The following FARP2 variants were observed in gnomAD, a reference collection of about 807,000 sequenced individuals.
The protein encoded by FARP2 is FERM, ARHGEF and pleckstrin domain-containing protein 2.
A neutral mutation model predicts 130.5 loss-of-function variants in FARP2; 111 were observed. The ratio of observed to expected loss-of-function variants is 0.85; its 90% CI spans 0.73 to 1.00. The LOEUF (loss-of-function observed/expected upper bound fraction) is 1.00, where lower values mean the gene tolerates loss of function less well. Ranked by LOEUF, FARP2 falls within the 50% of genes least tolerant of loss-of-function variation. The pLI, the probability that FARP2 is intolerant of heterozygous loss-of-function variation, is 0.00. For synonymous variants in FARP2, 504 were observed against 516.9 expected (o/e 0.98, Z 0.34); for missense variants, 1,385 against 1,346.3 (o/e 1.03, Z -0.45).
Position 241,484,286 on chromosome 2 carries a change from C to A in FARP2, c.2376C>A (p.Thr792=). The stretch of plus-strand genomic sequence containing the variant: ...ACACAAGCAAAGGAGTTGCAGGGAC[C>A]AGCCACTTCCGGATCCGGGGCCTCC... ...LLYTSKGVAG[T]SHFRIRGLLP... is the part of the protein sequence containing the mutation. The change falls in exon 21 of 27, where the codon ACC becomes ACA. Residue 792 remains threonine (T), a synonymous_variant. Transcript: ENST00000264042. 6.2e-7 allele frequency: 1 copy of A among 1,614,164 alleles called. No individual in the cohort carries two copies. Among genetic ancestry groups the A allele is most frequent in the South Asian group, 1.1e-5 (1 of 91,080 alleles).
At chr2:241,375,817 T>C (rs2061522866) in intron 2 of FARP2, among the ~76,000 whole-genome samples, 1 of 152,006 alleles carries the variant, frequency 6.6e-6, no homozygotes, top group Non-Finnish European at 1.5e-5. Flanking sequence ...AGCCTCTAAC[T>C]CTTGGACTCA....
chr2:241,366,672 G>A (rs546044850), intron 1 of FARP2, among the ~76,000 whole-genome samples: 1 of 151,942 alleles, frequency 6.6e-6, no homozygotes, highest in Non-Finnish European at 1.5e-5. Flanking sequence ...TTTAATTTTT[G>A]GCTACCAAAC....
chr2:241,415,487 T>TC (rs1305150434), intron 7 of FARP2, among the ~76,000 whole-genome samples: 1 of 152,122 alleles, frequency 6.6e-6, no homozygotes, highest in African/African-American at 2.4e-5. Flanking sequence ...CTGCGAACTG[T>TC]CCAACCTGAA....
intron 8 of FARP2, among the ~76,000 whole-genome samples, chr2:241,422,769 A>G (rs911432409): frequency 3.9e-5 from 6 of 152,226 alleles, no homozygotes; most frequent in African/African-American, 1.4e-4. Flanking sequence ...TGAGAGAAAC[A>G]TAACCTACCT....
Position 241,441,761 on chromosome 2 carries a change from C to A in FARP2, c.1411+205C>A, listed in dbSNP as rs777730682. Reference sequence around the variant, plus strand: ...TGTGACCGGCAGTGTCGTGGGGGGGCCCCTGCTTTCACATTGACAAATGCC... The same window carrying A: ...TGTGACCGGCAGTGTCGTGGGGGGGACCCTGCTTTCACATTGACAAATGCC... On this transcript the variant is annotated intron_variant, in intron 13 of 26. Coordinates refer to ENST00000264042, the MANE Select transcript of FARP2 (RefSeq NM_014808.4). 3 of 716,292 alleles carry A rather than the reference C, an allele frequency of 4.2e-6. No homozygotes were observed. The East Asian group carries it at 8.2e-5, about 20-fold the overall frequency. The allele number at this position is 716,292 out of a possible 1,614,324, so 44.4% of individuals were successfully genotyped here.
At chr2:241,373,404 T>A in intron 2 of FARP2, 114 bp downstream of exon 2, 1 of 601,884 alleles carries the variant, frequency 1.7e-6, no homozygotes, top group Non-Finnish European at 2.5e-6. Flanking sequence ...CAAGAGTAGC[T>A]TTGGTAACAC....
intron 1 of FARP2, among the ~76,000 whole-genome samples, chr2:241,357,753 C>T (rs1190478453): frequency 1.3e-5 from 2 of 152,196 alleles, no homozygotes; most frequent in African/African-American, 2.4e-5. Flanking sequence ...TCCTGGACTG[C>T]AGACGTTTGC....
intron 1 of FARP2, among the ~76,000 whole-genome samples, chr2:241,366,675 T>C (rs1241885557): frequency 2.0e-5 from 3 of 152,138 alleles, no homozygotes; most frequent in Non-Finnish European, 2.9e-5. Context: ...AATTTTTGGC[T>C]ACCAAACACT....
chr2:241,406,799 TTTTA>T (rs553158167), intron 4 of FARP2, among the ~76,000 whole-genome samples: 2 of 150,670 alleles, frequency 1.3e-5, no homozygotes, highest in African/African-American at 2.5e-5. Context: ...TCCTACTTGT[TTTTA>T]TTTATTTATT....
chr2:241,415,365 C>T (rs533528214), intron 7 of FARP2, among the ~76,000 whole-genome samples: 21 of 152,276 alleles, frequency 1.4e-4, no homozygotes, highest in African/African-American at 5.1e-4. Flanking sequence ...TGTGCCATCC[C>T]AGCAGGAAAC....
At chr2:241,427,502 T>G (rs947270780) in intron 8 of FARP2, among the ~76,000 whole-genome samples, 2 of 152,018 alleles carry the variant, frequency 1.3e-5, no homozygotes, top group African/African-American at 4.8e-5. Context: ...AAATTGTAGG[T>G]TTTTTTGTAG....
intron 13 of FARP2, among the ~76,000 whole-genome samples, chr2:241,453,439 G>A (rs76825718): frequency 0.19 from 28,680 of 151,362 alleles, 2,861 homozygotes; most frequent in Middle Eastern, 0.26. Flanking sequence ...TGGCTAACAT[G>A]GTGAAACCCC....
Position 241,404,289 on chromosome 2 carries a change from T to C in FARP2, c.288+357T>C, listed in dbSNP as rs940511473. ...AAAAAGTGTGGAGTTTTAATATTTA[T>C]AGATAGAACTGTTTTAAAGAACCAT... On this transcript the variant is annotated intron_variant, in intron 3 of 26. Coordinates refer to ENST00000264042, the MANE Select transcript of FARP2 (RefSeq NM_014808.4). 7.2e-5 allele frequency among the ~76,000 whole-genome samples: 11 copies of C among 152,370 alleles called. No homozygotes were observed. In the East Asian group the frequency reaches 1.9e-3, roughly 27 times the overall value.
chr2:241,455,631 C>G (rs930109250), intron 13 of FARP2, among the ~76,000 whole-genome samples: 3 of 151,982 alleles, frequency 2.0e-5, no homozygotes, highest in Non-Finnish European at 4.4e-5. Context: ...GTCCACCCCC[C>G]TCAGCCTCCC....
intron 17 of FARP2, among the ~76,000 whole-genome samples, chr2:241,467,058 C>T (rs1227778354): frequency 1.3e-5 from 2 of 151,722 alleles, no homozygotes; most frequent in African/African-American, 2.4e-5. Context: ...AGTTTGAAAC[C>T]AGCCTGGCCA....
chr2:241,368,055 A>G (rs2061352265), intron 1 of FARP2, among the ~76,000 whole-genome samples: 1 of 151,746 alleles, frequency 6.6e-6, no homozygotes, highest in African/African-American at 2.4e-5. Flanking sequence ...CATCATTATC[A>G]CCCAAAGCTT....
Position 241,411,007 on chromosome 2 carries a change from C to A in FARP2, c.411-26C>A, listed in dbSNP as rs749551808. The A allele has an allele frequency of 1.4e-5, 20 of 1,452,366 alleles. No individual in the cohort carries two copies. The South Asian group carries it at 2.4e-4, about 17-fold the overall frequency. 90.0% of individuals were successfully genotyped at this position (1,452,366 alleles called of 1,614,324 possible). ...TTCAGAGAACATTTGGAATTGATCT[C>A]TGTCTTATTTTGAACTCTCTTCTAG... On this transcript the variant is annotated intron_variant, in intron 5 of 26. Coordinates refer to ENST00000264042, the MANE Select transcript of FARP2 (RefSeq NM_014808.4).
intron 8 of FARP2, among the ~76,000 whole-genome samples, chr2:241,429,133 G>A (rs2063030202): frequency 6.6e-6 from 1 of 152,220 alleles, no homozygotes; most frequent in Non-Finnish European, 1.5e-5. Flanking sequence ...CAGTGTCTCA[G>A]ACGTTTTTAA....
Position 241,468,377 on chromosome 2 carries a change from G to T in FARP2, c.2131G>T (p.Asp711Tyr). 6.2e-7 allele frequency: 1 copy of T among 1,604,960 alleles called. No individual in the cohort carries two copies. The highest frequency in any genetic ancestry group is 8.5e-7 in the Non-Finnish European group (1 of 1,173,098). Reference protein sequence around the residue: ...PGHHDYADCHDALKAITEVTT... With the variant: ...PGHHDYADCHYALKAITEVTT... ...GCACCATGACTACGCTGACTGCCAT[G>T]GTGAGTGTGGGTGCGGCCCTGCATC... Residue 711 changes from aspartate to tyrosine, a missense_variant and splice_region_variant, in exon 18 of 27, where the codon GAC becomes TAC. Transcript: ENST00000264042.
Sources: allele counts gnomAD v4.1 joint callset (sites outside exome capture counted in the v4.1 genomes callset), GRCh38; gene constraint gnomAD v4.1.1; transcripts MANE v1.5; gene names NCBI Gene and HGNC (gene_info 2026-07-23, HGNC 2026-07-21).